The following C1QTNF3 variants were observed in gnomAD, a reference collection of about 807,000 sequenced individuals.
The protein encoded by C1QTNF3 is complement C1q tumor necrosis factor-related protein 3.
In C1QTNF3, 26 loss-of-function variants were observed where a neutral mutation model predicts 32.6. The observed-to-expected ratio is 0.80, with a 90% CI of 0.58 to 1.11. The LOEUF is 1.11. C1QTNF3 is among the 50% of genes least tolerant of loss of function. The probability of loss-of-function intolerance (pLI) is 0.00; values close to 1 mark genes in which losing one functional copy is unlikely to be tolerated. For missense variants in C1QTNF3, 362 were observed against 398.2 expected (o/e 0.91, Z 0.77); for synonymous variants, 155 against 146.0 (o/e 1.06, Z -0.44).
At chr5:34,243,445 A>G in the C1QTNF3 span, among the ~76,000 whole-genome samples, 1 of 152,254 alleles carries the variant, frequency 6.6e-6, no homozygotes, top group East Asian at 1.9e-4. Context: ...CCTTCGACCC[A>G]GCATTCCCAT....
chr5:34,045,984 T>A (rs1337157615), upstream of C1QTNF3, among the ~76,000 whole-genome samples: 1 of 152,170 alleles, frequency 6.6e-6, no homozygotes, highest in African/African-American at 2.4e-5. Flanking sequence ...GCCTGAAGAA[T>A]CCCTTAGCAG....
At chr5:34,139,559 T>C in the C1QTNF3 span, among the ~76,000 whole-genome samples, 6 of 152,138 alleles carry the variant, frequency 3.9e-5, no homozygotes, top group Admixed American at 1.3e-4. Flanking sequence ...TTGATAAAGT[T>C]CTATACAGAT....
At chr5:34,123,922 G>T in the C1QTNF3 span, among the ~76,000 whole-genome samples, 4 of 152,118 alleles carry the variant, frequency 2.6e-5, no homozygotes, top group African/African-American at 9.7e-5. Context: ...TTTTGTGCTT[G>T]AAATACAGAA....
At chr5:34,035,289 G>A (rs1754708811) in intron 2 of C1QTNF3, among the ~76,000 whole-genome samples, 1 of 152,212 alleles carries the variant, frequency 6.6e-6, no homozygotes, top group African/African-American at 2.4e-5. Context: ...AACATGGAGA[G>A]ATCCTGAGAC....
chr5:34,227,286 A>G, the C1QTNF3 span, among the ~76,000 whole-genome samples: 1 of 151,194 alleles, frequency 6.6e-6, no homozygotes, highest in Non-Finnish European at 1.5e-5. Context: ...AGTATGTACT[A>G]CAGTTAATTT....
At chr5:34,077,886 C>G in the C1QTNF3 span, among the ~76,000 whole-genome samples, 4 of 151,324 alleles carry the variant, frequency 2.6e-5, no homozygotes, top group Non-Finnish European at 4.4e-5. Flanking sequence ...CTATTAACAC[C>G]TCTAAAAAAA....
chr5:34,136,576 T>C, the C1QTNF3 span, among the ~76,000 whole-genome samples: 1 of 152,196 alleles, frequency 6.6e-6, no homozygotes, highest in Non-Finnish European at 1.5e-5. Context: ...TTCAACCATG[T>C]GGAAGAGAGT....
At chr5:34,222,681 G>T in the C1QTNF3 span, among the ~76,000 whole-genome samples, 1 of 151,802 alleles carries the variant, frequency 6.6e-6, no homozygotes, top group Admixed American at 6.6e-5. Context: ...TTCTGTTAAC[G>T]TGGAAGAAGA....
the C1QTNF3 span, among the ~76,000 whole-genome samples, chr5:34,132,836 T>C: frequency 6.6e-6 from 1 of 152,152 alleles, no homozygotes; most frequent in Admixed American, 6.6e-5. Flanking sequence ...AAATATAATC[T>C]GGAATATCTA....
At chr5:34,213,821 TTGTGTG>T in the C1QTNF3 span, among the ~76,000 whole-genome samples, 2,622 of 10,524 alleles carry the variant, frequency 0.25, 395 homozygotes, top group Middle Eastern at 0.56. Context: ...TTTTTTTTTT[TTGTGTG>T]TGTGATGGAG....
At chr5:34,133,494 A>G in the C1QTNF3 span, among the ~76,000 whole-genome samples, 3 of 152,218 alleles carry the variant, frequency 2.0e-5, no homozygotes, top group Non-Finnish European at 4.4e-5. Flanking sequence ...GCAGTACCCC[A>G]AAGTGCTGCG....
At chr5:34,209,701 A>C in the C1QTNF3 span, among the ~76,000 whole-genome samples, 1 of 152,110 alleles carries the variant, frequency 6.6e-6, no homozygotes, top group Non-Finnish European at 1.5e-5. Context: ...TTAAAACTTA[A>C]TTTAGTTTGA....
At chr5:34,023,753 T>C (rs188203642) in intron 5 of C1QTNF3, among the ~76,000 whole-genome samples, 156 bp downstream of exon 5, 8 of 152,290 alleles carry the variant, frequency 5.3e-5, no homozygotes. Flanking sequence ...CAAACAATAA[T>C]GATGATAATG....
At chr5:34,060,367 T>G in the C1QTNF3 span, among the ~76,000 whole-genome samples, 1 of 152,334 alleles carries the variant, frequency 6.6e-6, no homozygotes, top group East Asian at 1.9e-4. Context: ...GCTGCAAACC[T>G]GTAGCAGGTT....
rs545443898 is a variant in C1QTNF3 at position 34,021,711 on chromosome 5, C to A, written c.801-969G>T. Among the ~76,000 whole-genome samples the A allele has an allele frequency of 2.0e-5, 3 of 152,244 alleles. No homozygotes were observed. The South Asian group carries it at 6.2e-4, about 32-fold the overall frequency. Reference sequence around the variant, plus strand: ...TTCTCACTCATAAGTGGGAGTTGAACAATGAGAACACATGGACACATGGAG... The same window carrying A: ...TTCTCACTCATAAGTGGGAGTTGAAAAATGAGAACACATGGACACATGGAG... On this transcript the variant is annotated intron_variant, in intron 5 of 5. Coordinates refer to ENST00000382065, the MANE Select transcript of C1QTNF3 (RefSeq NM_181435.6).
At chr5:34,202,017 T>C in the C1QTNF3 span, among the ~76,000 whole-genome samples, 1 of 152,170 alleles carries the variant, frequency 6.6e-6, no homozygotes, top group Non-Finnish European at 1.5e-5. Context: ...TTCTGAACTA[T>C]TGTCTCCATG....
chr5:34,040,468 G>A (rs1283434781), intron 1 of C1QTNF3, among the ~76,000 whole-genome samples: 2 of 151,956 alleles, frequency 1.3e-5, no homozygotes, highest in Admixed American at 6.6e-5. Flanking sequence ...GAGAAGGAGG[G>A]GAGATTGACA....
At chr5:34,163,848 T>C in the C1QTNF3 span, among the ~76,000 whole-genome samples, 3 of 152,186 alleles carry the variant, frequency 2.0e-5, no homozygotes, top group African/African-American at 7.2e-5. Flanking sequence ...ATGTTTATCT[T>C]GCCTATCCAA....
At chr5:34,056,726 G>C in the C1QTNF3 span, among the ~76,000 whole-genome samples, 1 of 151,828 alleles carries the variant, frequency 6.6e-6, no homozygotes. Context: ...GCCCAGGCTA[G>C]TCTCAAACTC....
Sources: gnomAD v4.1 joint callset for allele counts (sites outside exome capture counted in the v4.1 genomes callset) on GRCh38, gnomAD v4.1.1 for gene constraint, MANE v1.5 for transcripts, NCBI Gene and HGNC (gene_info 2026-07-23, HGNC 2026-07-21) for gene names.